DYSF: variants seen among roughly 807,000 people sequenced by gnomAD.
The protein encoded by DYSF is dysferlin, also known as dystrophy-associated fer-1-like 1.
DYSF carries 212 observed loss-of-function variants against 274.9 expected under a neutral mutation model. That is an observed-to-expected ratio of 0.77 (90% CI 0.69 to 0.86). The LOEUF is 0.86. Ranked by LOEUF, DYSF falls within the 40% of genes least tolerant of loss-of-function variation. The pLI, the probability that DYSF is intolerant of heterozygous loss-of-function variation, is 0.00. For synonymous variants in DYSF, 1,091 were observed against 1,078.7 expected (o/e 1.01, Z -0.22); for missense variants, 2,666 against 2,783.2 (o/e 0.96, Z 0.95).
chr2:71,592,997 G>T (rs1021458260), intron 32 of DYSF, among the ~76,000 whole-genome samples: 2 of 152,174 alleles, frequency 1.3e-5, no homozygotes, highest in East Asian at 3.8e-4. Context: ...TGAGTGTATG[G>T]CTGGGATATC....
intron 6 of DYSF, 41 bp from the exon 7 acceptor site, chr2:71,513,675 G>A: frequency 6.2e-7 from 1 of 1,607,252 alleles, no homozygotes; most frequent in African/African-American, 1.3e-5. Flanking sequence ...CAGGGGCAGG[G>A]CCAGAGGGAT....
chr2:71,669,287 C>G (rs1440756770), intron 50 of DYSF, 80 bp downstream of exon 50: 1 of 1,254,138 alleles, frequency 8.0e-7, no homozygotes, highest in Non-Finnish European at 1.1e-6. Flanking sequence ...GCACGGGGGG[C>G]TCTGGCTCAG....
chr2:71,650,226 A>T (rs1364866274), intron 42 of DYSF, among the ~76,000 whole-genome samples: 2 of 152,172 alleles, frequency 1.3e-5, no homozygotes, highest in Non-Finnish European at 2.9e-5. Context: ...CAAGCCTGTA[A>T]TCTCAGCACT....
Position 71,570,642 on chromosome 2 carries a change from G to A in DYSF, c.3129G>A (p.Lys1043=), listed in dbSNP as rs1421683716. 6.2e-7 allele frequency: 1 copy of A among 1,614,124 alleles called. No homozygotes were observed. The highest frequency in any genetic ancestry group is 1.1e-5 in the South Asian group (1 of 91,088). ...SITIPPERKP[K]HWVPAEKMYY... ...CCATCCCCCCGGAGCGGAAGCCGAA[G>A]CACTGGGTCCCTGCTGAGAAGATGT... The change falls in exon 29 of 56, where the codon AAG becomes AAA. Residue 1043 remains lysine, a synonymous_variant. Transcript: ENST00000410020.
At chr2:71,611,172 G>A (rs945121837) in intron 36 of DYSF, 73 bp from the exon 37 acceptor site, 13 of 1,117,918 alleles carry the variant, frequency 1.2e-5, no homozygotes, top group African/African-American at 7.7e-5. Context: ...TGTCCTATCT[G>A]TCCTTCTCTC....
chr2:71,476,393 T>C (rs1478531866), intron 1 of DYSF, among the ~76,000 whole-genome samples: 1 of 151,908 alleles, frequency 6.6e-6, no homozygotes, highest in Admixed American at 6.6e-5. Context: ...ATACAAAAAT[T>C]AGCCAAGCTA....
chr2:71,668,873 G>A (rs1457670996), intron 49 of DYSF, 31 bp downstream of exon 49: 1 of 1,606,708 alleles, frequency 6.2e-7, no homozygotes, highest in Non-Finnish European at 8.5e-7. Context: ...CTCTGAGCTG[G>A]GCTGAGGGGT....
At chr2:71,579,742 A>G (rs2152830757) in intron 30 of DYSF, among the ~76,000 whole-genome samples, 1 of 152,294 alleles carries the variant, frequency 6.6e-6, no homozygotes, top group Non-Finnish European at 1.5e-5. Context: ...GTTTACAGTT[A>G]AAGTAATCAG....
intron 30 of DYSF, among the ~76,000 whole-genome samples, chr2:71,577,628 ACT>A (rs1182150928): frequency 1.1e-4 from 16 of 150,686 alleles, no homozygotes; most frequent in South Asian, 2.1e-4. Flanking sequence ...TCTGACATAC[ACT>A]CTCTTACACT....
At chr2:71,602,073 TCTTCCTGGACGGGGG>T (rs1210619268) in intron 35 of DYSF, among the ~76,000 whole-genome samples, 36 of 152,222 alleles carry the variant, frequency 2.4e-4, no homozygotes, top group Admixed American at 2.1e-3. Flanking sequence ...TTTTCTTTCC[TCTTCCTGGACGGGGG>T]CTTCATTCCC....
intron 49 of DYSF, 99 bp downstream of exon 49, chr2:71,668,941 T>G (rs2095068303): frequency 2.9e-6 from 4 of 1,397,986 alleles, no homozygotes; most frequent in Non-Finnish European, 4.0e-6. Context: ...CTGCCGGGCT[T>G]CAGGCTATTT....
At chr2:71,564,737 C>T (rs2091979053) in intron 24 of DYSF, among the ~76,000 whole-genome samples, 1 of 152,232 alleles carries the variant, frequency 6.6e-6, no homozygotes, top group African/African-American at 2.4e-5. Flanking sequence ...GTAATTCTGT[C>T]CCCTGGTCTC....
chr2:71,667,312 G>T (rs2095032274), intron 47 of DYSF, 64 bp from the exon 48 acceptor site: 1 of 1,611,502 alleles, frequency 6.2e-7, no homozygotes, highest in African/African-American at 1.3e-5. Context: ...CCTGTTCACT[G>T]GGCAGCCCCA....
Position 71,611,463 on chromosome 2 carries a change from A to G in DYSF, c.4060-2A>G, listed in dbSNP as rs2093760130. 2.5e-6 allele frequency: 4 copies of G among 1,614,108 alleles called. No individual in the cohort carries two copies. Among genetic ancestry groups the G allele is most frequent in the Non-Finnish European group, 3.4e-6 (4 of 1,180,026 alleles). ...GCCACTCTCCTCATTCTGTGTGCTT[A>G]GATCCTGGCATGGGGCCTGCGGAAC... On this transcript the variant is annotated splice_acceptor_variant, in intron 37 of 55. Coordinates refer to ENST00000410020, the MANE Select transcript of DYSF (RefSeq NM_001130987.2). LOFTEE classifies it high-confidence loss of function.
At chr2:71,600,986 TA>T (rs1429408598) in intron 34 of DYSF, 144 bp downstream of exon 34, 1 of 1,062,436 alleles carries the variant, frequency 9.4e-7, no homozygotes, top group African/African-American at 1.6e-5. Context: ...GGACACCATC[TA>T]ACATCGGAAT....
At chr2:71,478,737 A>G (rs1415202811) in intron 1 of DYSF, among the ~76,000 whole-genome samples, 1 of 151,986 alleles carries the variant, frequency 6.6e-6, no homozygotes, top group East Asian at 1.9e-4. Context: ...CAACGAGCAA[A>G]TATTTACAAG....
At chr2:71,500,462 C>A (rs553717993) in intron 3 of DYSF, among the ~76,000 whole-genome samples, 3 of 152,076 alleles carry the variant, frequency 2.0e-5, no homozygotes, top group Non-Finnish European at 4.4e-5. Context: ...CATTTCATGG[C>A]CCCAAAAAGC....
chr2:71,484,076 G>C (rs773499346), intron 3 of DYSF, among the ~76,000 whole-genome samples: 2 of 106,822 alleles, frequency 1.9e-5, no homozygotes, highest in South Asian at 6.3e-4. Flanking sequence ...TTTTTGAGAC[G>C]AAGTCTTGCT....
intron 22 of DYSF, 100 bp from the exon 23 acceptor site, chr2:71,561,652 A>T (rs369887437): frequency 6.9e-5 from 98 of 1,418,984 alleles, no homozygotes; most frequent in East Asian, 6.4e-4. Flanking sequence ...AGGCAGGCGG[A>T]GGGGGTGGGG....
Sources: gnomAD v4.1 joint callset for allele counts (sites outside exome capture counted in the v4.1 genomes callset) on GRCh38, gnomAD v4.1.1 for gene constraint, MANE v1.5 for transcripts, NCBI Gene and HGNC (gene_info 2026-07-23, HGNC 2026-07-21) for gene names.